Variants in MYO9A observed in about 807,000 individuals in gnomAD.
MYO9A encodes the protein myosin IXA, also known as unconventional myosin-IXa.
Under a neutral mutation model 293.3 loss-of-function variants are expected in MYO9A, and 103 were observed. That is an observed-to-expected ratio of 0.35 (90% CI 0.30 to 0.41). The LOEUF (loss-of-function observed/expected upper bound fraction) is 0.41. Among genes scored for constraint, MYO9A ranks in the 10% least tolerant of loss-of-function variants. The probability of loss-of-function intolerance (pLI) is 1.00; values close to 1 mark genes in which losing one functional copy is unlikely to be tolerated. For missense variants in MYO9A, 2,685 were observed against 3,033.0 expected, an observed-to-expected ratio of 0.89 and a Z score of 2.69; for synonymous variants, 1,001 against 1,035.7, an observed-to-expected ratio of 0.97 and a Z score of 0.64.
intron 1 of MYO9A, among the ~76,000 whole-genome samples, chr15:72,109,456 C>T (rs988668915): frequency 5.9e-5 from 9 of 151,534 alleles, no homozygotes; most frequent in African/African-American, 1.7e-4. Flanking sequence ...GATGGCATAA[C>T]GCTATCTTTT....
At position 71,859,791 on chromosome 15, in the gene MYO9A, T is replaced by C. The variant is rs1371180150; in HGVS notation, c.6097A>G (p.Lys2033Glu). ...MDRASVCKLC[K>E]YACHKKCCLK... ...CAGCACTTCTTATGGCAAGCATACTTGCATACTGAAAAATAGGTGAGGAAT... is the reference window on the plus strand; with the variant it reads ...CAGCACTTCTTATGGCAAGCATACTCGCATACTGAAAAATAGGTGAGGAAT... Residue 2033 changes from lysine to glutamate, a missense_variant, in exon 34 of 42, where the codon AAG (lysine) becomes GAG (glutamate). Lys to Glu is a moderately conservative substitution (Grantham distance 56). Transcript: ENST00000356056. The C allele has an allele frequency of 6.2e-7, 1 of 1,613,240 alleles. No homozygotes were observed. Among genetic ancestry groups the C allele is most frequent in the South Asian group, 1.1e-5 (1 of 91,012 alleles).
rs1567169896 is a variant in MYO9A at position 71,825,995 on chromosome 15, G to GTTTTGTTT, written c.*584_*585insAAACAAAA. 1.1e-4 allele frequency: 10 copies of GTTTTGTTT among 91,520 alleles called. No individual in the cohort carries two copies. The highest frequency in any genetic ancestry group is 1.0e-3 in the East Asian group (3 of 2,996). The allele number at this position is 91,520 out of a possible 1,614,324, so 5.7% of individuals were successfully genotyped here. A position where few individuals can be genotyped will look rare whatever the true frequency, so the allele number is the denominator to read the frequency against. On this transcript the variant is annotated 3_prime_UTR_variant, in exon 42 of 42. Coordinates refer to ENST00000356056, the MANE Select transcript of MYO9A (RefSeq NM_006901.4). ...ATGGAAACAATCACGGTTTTTTTTTGTTTTTTTTTTTTTGTTTTTTTTTTT... is the reference window on the plus strand; with the variant it reads ...ATGGAAACAATCACGGTTTTTTTTTGTTTTGTTTTTTTTTTTTTTTTGTTTTTTTTTTT...
intron 14 of MYO9A, chr15:71,958,573 T>C (rs1369460106): frequency 6.6e-6 from 1 of 152,164 alleles, no homozygotes. Context: ...GCTGGAATGT[T>C]GTGTTTCTTA....
chr15:71,973,070 G>A (rs1421807188), intron 12 of MYO9A, among the ~76,000 whole-genome samples: 1 of 152,116 alleles, frequency 6.6e-6, no homozygotes, highest in Non-Finnish European at 1.5e-5. Context: ...GTTGGTCCTT[G>A]AAGCTGGATA....
intron 11 of MYO9A, among the ~76,000 whole-genome samples, chr15:71,988,504 T>C (rs1005720017): frequency 2.0e-5 from 3 of 152,222 alleles, no homozygotes; most frequent in Non-Finnish European, 4.4e-5. Flanking sequence ...TAACAGATTA[T>C]ATGTTTAAAA....
At chr15:72,099,802 TGA>T (rs2080207259) in intron 1 of MYO9A, among the ~76,000 whole-genome samples, 1 of 146,788 alleles carries the variant, frequency 6.8e-6, no homozygotes, top group Non-Finnish European at 1.5e-5. Flanking sequence ...CTCAGGAGGC[TGA>T]GACAGGAGAA....
At position 71,898,201 on chromosome 15, in the gene MYO9A, T is replaced by C. The variant is rs148203149; in HGVS notation, c.4302A>G (p.Gln1434=). ...TGTTTCTTTGGATACTTGTGTCTAG[T>C]TGGGAATTTGTTTTCAGTGGGTCTT... The part of the protein sequence containing the change: ...PQQDPLKTNS[Q]LDTSIQRNKL... Residue 1434 remains glutamine, a synonymous_variant, in exon 25 of 42, where the codon CAA becomes CAG. Coordinates refer to ENST00000356056, the MANE Select transcript of MYO9A (RefSeq NM_006901.4). The C allele has an allele frequency of 4.7e-5, 76 of 1,614,138 alleles. No homozygotes were observed. In the African/African-American group the frequency reaches 8.9e-4, roughly 19 times the overall value.
At chr15:72,109,989 T>TAA (rs56010336) in intron 1 of MYO9A, among the ~76,000 whole-genome samples, 1,798 of 140,740 alleles carry the variant, frequency 0.013, 34 homozygotes, top group African/African-American at 0.041. Context: ...TCCCTTACAT[T>TAA]AAAAAAAAAA....
chr15:72,098,451 A>G (rs558054163), intron 1 of MYO9A, among the ~76,000 whole-genome samples: 1 of 152,290 alleles, frequency 6.6e-6, no homozygotes, highest in Admixed American at 6.5e-5. Context: ...CTTATTTGGA[A>G]ATTTTTAAAT....
intron 1 of MYO9A, among the ~76,000 whole-genome samples, chr15:72,055,153 G>C (rs1330118952): frequency 1.3e-5 from 2 of 152,214 alleles, no homozygotes; most frequent in African/African-American, 4.8e-5. Flanking sequence ...GGGCACAGTG[G>C]TGCGTGCCCA....
intron 27 of MYO9A, among the ~76,000 whole-genome samples, chr15:71,885,437 C>G (rs2056990855): frequency 1.3e-5 from 2 of 152,052 alleles, no homozygotes; most frequent in African/African-American, 4.8e-5. Flanking sequence ...CAATTCACCT[C>G]CACGTGTTTC....
In MYO9A at chr15:72,040,259, A is replaced by C. The variant is rs538523298; in HGVS notation, c.840+5465T>G. On this transcript the variant is annotated intron_variant, in intron 2 of 41. Coordinates refer to ENST00000356056, the MANE Select transcript of MYO9A (RefSeq NM_006901.4). ...GCAGTTAAAATTGGTCTTCATCCTC[A>C]TCCTTATCCTTATTCTAATGGCACT... The C allele has an allele frequency of 2.0e-5, 3 of 152,360 alleles. No individual in the cohort carries two copies. In the East Asian group the frequency reaches 5.8e-4, roughly 29 times the overall value. 9.4% of individuals were successfully genotyped at this position (152,360 alleles called of 1,614,324 possible). A position where few individuals can be genotyped will look rare whatever the true frequency, so the allele number is the denominator to read the frequency against.
intron 17 of MYO9A, 70 bp downstream of exon 17, chr15:71,935,271 C>G: frequency 7.0e-7 from 1 of 1,428,484 alleles, no homozygotes; most frequent in Non-Finnish European, 9.4e-7. Context: ...TCATTTTTTT[C>G]TGCCAGAAAT....
chr15:72,046,555 T>C lies in MYO9A; in HGVS notation c.9A>G (p.Ile3Met). 6.3e-7 allele frequency: 1 copy of C among 1,594,696 alleles called. No individual in the cohort carries two copies. The highest frequency in any genetic ancestry group is 1.1e-5 in the South Asian group (1 of 88,254). Residue 3 changes from isoleucine to methionine, a missense_variant, in exon 2 of 42, where the codon ATA becomes ATG. This residue lies in a region of MYO9A where 67 missense variants were observed against 63.2 expected (regional missense o/e 1.06). Coordinates refer to ENST00000356056, the MANE Select transcript of MYO9A (RefSeq NM_006901.4). MN[I>M]NDGGRRRFED... ...CAAAGCGTCGTCTTCCTCCATCATT[T>C]ATATTCATATTGGATCCTGTCCCAT...
At chr15:72,037,160 C>T (rs1387525179) in intron 2 of MYO9A, among the ~76,000 whole-genome samples, 2 of 151,660 alleles carry the variant, frequency 1.3e-5, no homozygotes, top group African/African-American at 4.8e-5. Context: ...TTCACACTCC[C>T]CACTGCACCC....
chr15:71,866,179 GT>G (rs1393248820), intron 32 of MYO9A, among the ~76,000 whole-genome samples: 1 of 152,138 alleles, frequency 6.6e-6, no homozygotes, highest in Non-Finnish European at 1.5e-5. Flanking sequence ...TACAAAAAGA[GT>G]TGTAATATCA....
chr15:72,027,727 G>C lies in MYO9A; in HGVS notation c.998+4C>G. The C allele has an allele frequency of 6.3e-7, 1 of 1,598,658 alleles. No homozygotes were observed. The highest frequency in any genetic ancestry group is 1.1e-5 in the South Asian group (1 of 88,794). On this transcript the variant is annotated splice_donor_region_variant and intron_variant, in intron 4 of 41. Coordinates refer to ENST00000356056, the MANE Select transcript of MYO9A (RefSeq NM_006901.4). ...CATCTAATTACACAAATAAAAATAC[G>C]TACCGTTCATTATGCTCCTGATAAA...
intron 1 of MYO9A, among the ~76,000 whole-genome samples, chr15:72,072,256 A>G (rs1374822898): frequency 1.3e-5 from 2 of 151,322 alleles, no homozygotes; most frequent in African/African-American, 2.4e-5. Context: ...CTCAGCCTCC[A>G]GAGCAGCTGG....
In MYO9A at chr15:72,046,623, T is replaced by C; in HGVS notation, c.-60A>G. 6.8e-7 allele frequency: 1 copy of C among 1,461,596 alleles called. No individual in the cohort carries two copies. The highest frequency in any genetic ancestry group is 9.0e-7 in the Non-Finnish European group (1 of 1,105,750). The allele number at this position is 1,461,596 out of a possible 1,614,324, so 90.5% of individuals were successfully genotyped here. ...GTTCAAAGTCGTGCAAACCATTTTC[T>C]TGGTAAAATAACTGTAACATAAAAG... On this transcript the variant is annotated 5_prime_UTR_variant, in exon 2 of 42. Coordinates refer to ENST00000356056, the MANE Select transcript of MYO9A (RefSeq NM_006901.4).
Sources: allele counts gnomAD v4.1 joint callset (sites outside exome capture counted in the v4.1 genomes callset), GRCh38; gene constraint gnomAD v4.1.1; regional missense constraint gnomAD v4.1.1; transcripts MANE v1.5; gene names NCBI Gene and HGNC (gene_info 2026-07-23, HGNC 2026-07-21).